GDF6: variants seen among roughly 807,000 people sequenced by gnomAD.
GDF6 encodes the protein growth/differentiation factor 6.
A neutral mutation model predicts 32.4 loss-of-function variants in GDF6; 3 were observed. The observed-to-expected ratio is 0.09, with a 90% CI of 0.04 to 0.24. The LOEUF is 0.24. Ranked by LOEUF, GDF6 falls within the 10% of genes least tolerant of loss-of-function variation. The pLI, the probability that GDF6 is intolerant of heterozygous loss-of-function variation, is 1.00. For synonymous variants in GDF6, 296 were observed against 295.3 expected (o/e 1.00, Z -0.03); for missense variants, 589 against 637.9 (o/e 0.92, Z 0.83).
At chr8:96,147,101 G>T (rs1025328110) in intron 1 of GDF6, among the ~76,000 whole-genome samples, 5 of 152,124 alleles carry the variant, frequency 3.3e-5, no homozygotes, top group African/African-American at 1.2e-4. Flanking sequence ...AGTGTCACTG[G>T]GCCCAGCATC....
intron 1 of GDF6, among the ~76,000 whole-genome samples, chr8:96,155,854 C>T (rs1477154621): frequency 6.6e-6 from 1 of 152,202 alleles, no homozygotes; most frequent in Non-Finnish European, 1.5e-5. Flanking sequence ...AGGGTACCGG[C>T]AAAAGCACTG....
chr8:96,149,003 C>T (rs907451911), intron 1 of GDF6, among the ~76,000 whole-genome samples: 4 of 152,232 alleles, frequency 2.6e-5, no homozygotes, highest in African/African-American at 9.6e-5. Flanking sequence ...ACCCTGAAGA[C>T]ACTTTGCCTG....
rs1487637115 is a variant in GDF6, at chr8:96,160,597, CGAG to C, written c.93_95del (p.Ser34del). The C allele has an allele frequency of 3.1e-6, 5 of 1,613,612 alleles. No individual in the cohort carries two copies. The South Asian group carries it at 4.4e-5, about 14-fold the overall frequency. On this transcript the variant is annotated inframe_deletion, in exon 1 of 2. Coordinates refer to ENST00000287020, the MANE Select transcript of GDF6 (RefSeq NM_001001557.4). ...TGGTGGAACCCAGCTCGGCGGACGACGAGGAGGATGAGATGGAAGCCTGCTGGA... is the reference window on the plus strand; with the variant it reads ...TGGTGGAACCCAGCTCGGCGGACGACGAGGATGAGATGGAAGCCTGCTGGA...
In GDF6 at chr8:96,156,955, T is replaced by C. The variant is rs545761850; in HGVS notation, c.406+3332A>G. Among the ~76,000 whole-genome samples, 13 of 152,334 alleles carry C rather than the reference T, an allele frequency of 8.5e-5. No individual in the cohort carries two copies. The South Asian group carries it at 2.7e-3, about 32-fold the overall frequency. Reference sequence around the variant, plus strand: ...TAAACATGCAGGGTCTCGAATCTTATATAGGCCCCACCTCTCGCTAGCTGT... The same window carrying C: ...TAAACATGCAGGGTCTCGAATCTTACATAGGCCCCACCTCTCGCTAGCTGT... On this transcript the variant is annotated intron_variant, in intron 1 of 1. Coordinates refer to ENST00000287020, the MANE Select transcript of GDF6 (RefSeq NM_001001557.4).
In GDF6 at chr8:96,145,175, G is replaced by A. The variant is rs759021639; in HGVS notation, c.756C>T (p.Pro252=). 2 of 1,498,554 alleles carry A rather than the reference G, an allele frequency of 1.3e-6. No individual in the cohort carries two copies. Among genetic ancestry groups the A allele is most frequent in the South Asian group, 2.5e-5 (2 of 79,792 alleles). The allele number at this position is 1,498,554 out of a possible 1,614,324, so 92.8% of individuals were successfully genotyped here. Reference sequence around the variant, plus strand: ...GCAGGTCCGGGGGCGGCGGTTGCTGGGGTCCCCGCGCGCGCGCCTCGGCCT... The same window carrying A: ...GCAGGTCCGGGGGCGGCGGTTGCTGAGGTCCCCGCGCGCGCGCCTCGGCCT... ...AGEAEARARG[P]QQPPPPDLRS... is the part of the protein sequence containing the mutation. Residue 252 remains proline, a synonymous_variant, in exon 2 of 2, where the codon CCC becomes CCT. Coordinates refer to ENST00000287020, the MANE Select transcript of GDF6 (RefSeq NM_001001557.4). This position sits in a 1 kb window ranked among gnomAD's most constrained non-coding sequence, Gnocchi z 5.6.
chr8:96,154,227 T>G (rs1812620987), intron 1 of GDF6, among the ~76,000 whole-genome samples: 1 of 151,720 alleles, frequency 6.6e-6, no homozygotes, highest in Non-Finnish European at 1.5e-5. Flanking sequence ...CACTCTCGGG[T>G]CCCTAAACCA....
rs1563508002 is a variant in GDF6, at chr8:96,144,287, AGAG to A, written c.*273_*275del. 2.3e-4 allele frequency: 113 copies of A among 497,108 alleles called. No homozygotes were observed. The highest frequency in any genetic ancestry group is 5.8e-4 in the Middle Eastern group (1 of 1,718). 30.8% of individuals were successfully genotyped at this position (497,108 alleles called of 1,614,324 possible). On this transcript the variant is annotated 3_prime_UTR_variant, in exon 2 of 2. Coordinates refer to ENST00000287020, the MANE Select transcript of GDF6 (RefSeq NM_001001557.4). The surrounding 1 kb of genome is among the most constrained non-coding windows in gnomAD (Gnocchi z 5.1). ...GAGAGAGAGAGAGAGAGAGAGAGAGAGAGAAAACAGAACAAAAGAAATCCTCCT... is the reference window on the plus strand; with the variant it reads ...GAGAGAGAGAGAGAGAGAGAGAGAGAAAAACAGAACAAAAGAAATCCTCCT...
At position 96,160,601 on chromosome 8, in the gene GDF6, G is replaced by A; in HGVS notation, c.92C>T (p.Ser31Phe). ...PGFQQASISS[S>F]SSSAELGSTK... ...GGAACCCAGCTCGGCGGACGACGAGGAGGATGAGATGGAAGCCTGCTGGAA... is the reference window on the plus strand; with the variant it reads ...GGAACCCAGCTCGGCGGACGACGAGAAGGATGAGATGGAAGCCTGCTGGAA... The change falls in exon 1 of 2, where the codon TCC (serine) becomes TTC (phenylalanine). Residue 31 changes from serine (S) to phenylalanine (F), a missense_variant. Coordinates refer to ENST00000287020, the MANE Select transcript of GDF6 (RefSeq NM_001001557.4). The A allele has an allele frequency of 5.0e-6, 8 of 1,613,758 alleles. No individual in the cohort carries two copies. Among genetic ancestry groups the A allele is most frequent in the Non-Finnish European group, 4.2e-6 (5 of 1,179,738 alleles).
At chr8:96,150,252 C>T (rs554268471) in intron 1 of GDF6, among the ~76,000 whole-genome samples, 42 of 152,280 alleles carry the variant, frequency 2.8e-4, no homozygotes, top group African/African-American at 9.4e-4. Context: ...ACGCAGTGAC[C>T]CTGGATAGCT....
Position 96,160,570 on chromosome 8 carries a change from C to A in GDF6, c.123G>T (p.Lys41Asn), listed in dbSNP as rs756381156. 1 of 1,613,730 alleles carries A rather than the reference C, an allele frequency of 6.2e-7. No homozygotes were observed. The highest frequency in any genetic ancestry group is 8.5e-7 in the Non-Finnish European group (1 of 1,179,732). Reference protein sequence around the residue: ...SSSSAELGSTKGMRSRKEGKM... With the variant: ...SSSSAELGSTNGMRSRKEGKM... ...TGCCTTCCTTGCGGCTTCGCATGCC[C>A]TTGGTGGAACCCAGCTCGGCGGACG... is the stretch of plus-strand genomic sequence containing the variant. Residue 41 changes from lysine (K) to asparagine (N), a missense_variant, in exon 1 of 2, where the codon AAG becomes AAT. Coordinates refer to ENST00000287020, the MANE Select transcript of GDF6 (RefSeq NM_001001557.4).
rs996309687 is a variant in GDF6 at position 96,154,765 on chromosome 8, C to A, written c.406+5522G>T. ...AGTCCTAGCAGGAAACAAAAGTTCT[C>A]GTTCTGCCCTGTTTCTATCATACCA... On this transcript the variant is annotated intron_variant, in intron 1 of 1. Transcript: ENST00000287020. 1.4e-4 allele frequency among the ~76,000 whole-genome samples: 22 copies of A among 152,190 alleles called. 1 individual carries two copies. Among genetic ancestry groups the A allele is most frequent in the Non-Finnish European group, 3.1e-4 (21 of 68,032 alleles).
chr8:96,155,245 C>G (rs536687891), intron 1 of GDF6, among the ~76,000 whole-genome samples: 7 of 152,386 alleles, frequency 4.6e-5, no homozygotes, highest in Admixed American at 4.6e-4. Context: ...GGAAACTCGC[C>G]AAGAATCCCT....
chr8:96,160,743 C>T lies in GDF6; in HGVS notation c.-51G>A, dbSNP rs1227277655. ...AGGAGGCGGTGGCGGCGGCGCAGGA[C>T]GCGCGGGGCACGGAGCGGCTGGACA... On this transcript the variant is annotated 5_prime_UTR_variant, in exon 1 of 2. Coordinates refer to ENST00000287020, the MANE Select transcript of GDF6 (RefSeq NM_001001557.4). 6.3e-6 allele frequency: 10 copies of T among 1,592,658 alleles called. No individual in the cohort carries two copies. The highest frequency in any genetic ancestry group is 5.0e-5 in the Admixed American group (3 of 59,522).
Position 96,160,584 on chromosome 8 carries a change from G to A in GDF6, c.109C>T (p.Leu37=). The stretch of plus-strand genomic sequence containing the variant: ...CTTCGCATGCCCTTGGTGGAACCCA[G>A]CTCGGCGGACGACGAGGAGGATGAG... ...SISSSSSSAE[L]GSTKGMRSRK... is the part of the protein sequence containing the mutation. Residue 37 remains leucine, a synonymous_variant, in exon 1 of 2, where the codon CTG becomes TTG. Coordinates refer to ENST00000287020, the MANE Select transcript of GDF6 (RefSeq NM_001001557.4). 1 of 1,613,716 alleles carries A rather than the reference G, an allele frequency of 6.2e-7. No individual in the cohort carries two copies. Among genetic ancestry groups the A allele is most frequent in the Non-Finnish European group, 8.5e-7 (1 of 1,179,734 alleles).
At chr8:96,155,142 T>C (rs1812637768) in intron 1 of GDF6, among the ~76,000 whole-genome samples, 1 of 152,126 alleles carries the variant, frequency 6.6e-6, no homozygotes, top group South Asian at 2.1e-4. Context: ...CCCTCCCCCA[T>C]CGGCAACTCC....
At chr8:96,158,135 C>G (rs755460374) in intron 1 of GDF6, among the ~76,000 whole-genome samples, 2 of 152,202 alleles carry the variant, frequency 1.3e-5, no homozygotes, top group Non-Finnish European at 2.9e-5. Context: ...GCGTCTCCTC[C>G]CGCTGTGGAC....
chr8:96,156,664 T>C (rs1476930133), intron 1 of GDF6, among the ~76,000 whole-genome samples: 1 of 152,208 alleles, frequency 6.6e-6, no homozygotes, highest in African/African-American at 2.4e-5. Flanking sequence ...GGATCCAACA[T>C]CATTTTTAAA....
intron 1 of GDF6, among the ~76,000 whole-genome samples, chr8:96,158,841 A>G (rs1586125506): frequency 6.6e-6 from 1 of 152,210 alleles, no homozygotes; most frequent in East Asian, 1.9e-4. Context: ...CCCTAAAATC[A>G]TCATAAAATA....
At position 96,144,244 on chromosome 8, in the gene GDF6, T is replaced by TG. The variant is rs1369067045; in HGVS notation, c.*318_*319insC. 2.2e-4 allele frequency: 51 copies of TG among 234,960 alleles called. No homozygotes were observed. Among genetic ancestry groups the TG allele is most frequent in the African/African-American group, 1.8e-3 (43 of 23,880 alleles). 14.6% of individuals were successfully genotyped at this position (234,960 alleles called of 1,614,324 possible). On this transcript the variant is annotated 3_prime_UTR_variant, in exon 2 of 2. Transcript: ENST00000287020. The surrounding 1 kb of genome is among the most constrained non-coding windows in gnomAD (Gnocchi z 5.1). The stretch of plus-strand genomic sequence containing the variant: ...ATAAGGAAATCCAAAGCCACAGTAA[T>TG]AGAGAGAGAGAGAGAGAGAGAGAGA...
Sources: gnomAD v4.1 joint callset for allele counts (sites outside exome capture counted in the v4.1 genomes callset) on GRCh38, gnomAD v4.1.1 for gene constraint, Gnocchi (gnomAD v3.1) non-coding constraint, MANE v1.5 for transcripts, NCBI Gene and HGNC (gene_info 2026-07-23, HGNC 2026-07-21) for gene names.